The following CNTN4 variants were observed in gnomAD, a reference collection of about 807,000 sequenced individuals.
The protein encoded by CNTN4 is contactin 4, also known as contactin-4.
CNTN4 carries 77 observed loss-of-function variants against 122.5 expected under a neutral mutation model. That is an observed-to-expected ratio of 0.63 (90% confidence interval 0.52 to 0.76). The LOEUF is 0.76. CNTN4 is among the 30% of genes least tolerant of loss of function. The pLI is 0.00. For missense variants in CNTN4, 1,256 were observed against 1,259.1 expected (o/e 1.00, Z 0.04); for synonymous variants, 512 against 447.0 (o/e 1.15, Z -1.83).
intron 4 of CNTN4, among the ~76,000 whole-genome samples, chr3:2,699,559 A>G (rs143587278): frequency 6.6e-6 from 1 of 152,318 alleles, no homozygotes; most frequent in Non-Finnish European, 1.5e-5. Context: ...TTGGAGAATA[A>G]CTCAGTTGCC....
intron 3 of CNTN4, among the ~76,000 whole-genome samples, chr3:2,366,434 G>T (rs1489812320): frequency 6.6e-6 from 1 of 151,908 alleles, no homozygotes; most frequent in Non-Finnish European, 1.5e-5. Context: ...TTTCCTCTTT[G>T]TTAAAAAATA....
At chr3:2,924,594 T>C (rs1373316511) in intron 12 of CNTN4, among the ~76,000 whole-genome samples, 18 of 152,250 alleles carry the variant, frequency 1.2e-4, no homozygotes, top group Non-Finnish European at 5.9e-5. Flanking sequence ...TACAAATATG[T>C]ATCTTTTGTT....
At chr3:2,406,311 A>G (rs1179420621) in intron 3 of CNTN4, among the ~76,000 whole-genome samples, 1 of 152,208 alleles carries the variant, frequency 6.6e-6, no homozygotes, top group African/African-American at 2.4e-5. Flanking sequence ...AGAAGGGCAC[A>G]TCAGTTCTGT....
At chr3:2,833,184 G>A (rs959914040) in intron 7 of CNTN4, among the ~76,000 whole-genome samples, 1 of 152,130 alleles carries the variant, frequency 6.6e-6, no homozygotes, top group Non-Finnish European at 1.5e-5. Context: ...AAGAAAACAT[G>A]GATTCTATGA....
intron 7 of CNTN4, among the ~76,000 whole-genome samples, chr3:2,865,624 G>T (rs1179156714): frequency 1.3e-5 from 2 of 152,196 alleles, no homozygotes; most frequent in Non-Finnish European, 2.9e-5. Context: ...TGGCTACTCA[G>T]TGCCAGTAGC....
intron 7 of CNTN4, among the ~76,000 whole-genome samples, chr3:2,822,620 C>T (rs1217512499): frequency 6.6e-6 from 1 of 152,172 alleles, no homozygotes; most frequent in African/African-American, 2.4e-5. Context: ...ATGGCAGCAA[C>T]CCTAAAAATT....
At chr3:2,405,053 A>T (rs1378311388) in intron 3 of CNTN4, among the ~76,000 whole-genome samples, 2 of 152,204 alleles carry the variant, frequency 1.3e-5, no homozygotes, top group Non-Finnish European at 2.9e-5. Flanking sequence ...ATAATAAAAG[A>T]TAACAAGCCC....
chr3:2,924,899 G>T (rs1323064995), intron 12 of CNTN4, among the ~76,000 whole-genome samples: 1 of 152,124 alleles, frequency 6.6e-6, no homozygotes, highest in East Asian at 1.9e-4. Context: ...CAAAGCAGAG[G>T]TGGCGACCAT....
chr3:2,192,459 T>C (rs547200303), intron 2 of CNTN4, among the ~76,000 whole-genome samples: 13 of 152,320 alleles, frequency 8.5e-5, no homozygotes, highest in African/African-American at 3.1e-4. Flanking sequence ...ACTAAAGAGC[T>C]TCTGCACAGC....
At chr3:2,322,183 G>A (rs1196277145) in intron 2 of CNTN4, among the ~76,000 whole-genome samples, 1 of 152,054 alleles carries the variant, frequency 6.6e-6, no homozygotes, top group East Asian at 1.9e-4. Flanking sequence ...TTTTAAACGA[G>A]CAAAAATGAA....
intron 14 of CNTN4, among the ~76,000 whole-genome samples, chr3:2,996,407 T>C (rs1387968389): frequency 6.6e-6 from 1 of 152,172 alleles, no homozygotes; most frequent in Non-Finnish European, 1.5e-5. Context: ...CTCTCTCAGA[T>C]ATTGTAGAAG....
At chr3:3,042,872 A>G in intron 21 of CNTN4, 105 bp from the exon 22 acceptor site, 1 of 893,568 alleles carries the variant, frequency 1.1e-6, no homozygotes, top group Non-Finnish European at 1.8e-6. Flanking sequence ...GATGTAGTAT[A>G]GAAAACTAAC....
chr3:2,448,751 G>T (rs1196533862), intron 3 of CNTN4, among the ~76,000 whole-genome samples: 1 of 152,156 alleles, frequency 6.6e-6, no homozygotes, highest in African/African-American at 2.4e-5. Flanking sequence ...TACTTCCTCT[G>T]TTAACTCTGC....
At chr3:3,044,757 T>C (rs951358985) in intron 23 of CNTN4, among the ~76,000 whole-genome samples, 3 of 152,106 alleles carry the variant, frequency 2.0e-5, no homozygotes, top group African/African-American at 7.2e-5. Context: ...TGTCGGACAG[T>C]GGGCGCAGGA....
intron 2 of CNTN4, among the ~76,000 whole-genome samples, chr3:2,106,580 G>A (rs1331450762): frequency 2.6e-5 from 4 of 152,194 alleles, no homozygotes; most frequent in Non-Finnish European, 5.9e-5. Context: ...GGGACGCAGG[G>A]CACCAAGTCC....
chr3:2,204,948 ATATT>A (rs142750897), intron 2 of CNTN4, among the ~76,000 whole-genome samples: 2,014 of 152,292 alleles, frequency 0.013, 38 homozygotes, highest in African/African-American at 0.046. Context: ...ACTTTGAAAC[ATATT>A]TATTTAATTT....
chr3:2,504,051 A>T (rs2076669113), intron 3 of CNTN4, among the ~76,000 whole-genome samples: 1 of 152,068 alleles, frequency 6.6e-6, no homozygotes, highest in South Asian at 2.1e-4. Context: ...AAAATGCTAG[A>T]ACAAAATAGA....
intron 2 of CNTN4, among the ~76,000 whole-genome samples, chr3:2,140,610 C>T (rs1391500617): frequency 6.6e-6 from 1 of 152,150 alleles, no homozygotes; most frequent in Non-Finnish European, 1.5e-5. Flanking sequence ...TCCTAATTAC[C>T]TCCCCCAAAG....
chr3:2,489,903 G>T (rs1294794620), intron 3 of CNTN4, among the ~76,000 whole-genome samples: 2 of 152,112 alleles, frequency 1.3e-5, no homozygotes, highest in African/African-American at 4.8e-5. Flanking sequence ...ACTCTGAAAA[G>T]GATGTATGTA....
Sources: gnomAD v4.1 joint callset for allele counts (sites outside exome capture counted in the v4.1 genomes callset) on GRCh38, gnomAD v4.1.1 for gene constraint, MANE v1.5 for transcripts, NCBI Gene and HGNC (gene_info 2026-07-23, HGNC 2026-07-21) for gene names.